Variants in MYBPHL observed in about 807,000 individuals in gnomAD.
MYBPHL encodes myosin-binding protein H-like.
In MYBPHL, 32 loss-of-function variants were observed where a neutral mutation model predicts 39.5. The observed-to-expected ratio is 0.81, with a 90% confidence interval of 0.61 to 1.09. The LOEUF is 1.09. MYBPHL is among the 50% of genes least tolerant of loss of function. The pLI, the probability that MYBPHL is intolerant of heterozygous loss-of-function variation, is 0.00. For missense variants in MYBPHL, 456 were observed against 460.2 expected (o/e 0.99, Z 0.08); for synonymous variants, 196 against 183.7 (o/e 1.07, Z -0.54).
At chr1:109,302,573 G>A (rs1247988977) in intron 1 of MYBPHL, among the ~76,000 whole-genome samples, 4 of 152,122 alleles carry the variant, frequency 2.6e-5, no homozygotes, top group South Asian at 2.1e-4. Flanking sequence ...CTCTCCATGC[G>A]GTATGCCTCT....
At chr1:109,296,728 T>A in intron 5 of MYBPHL, 55 bp downstream of exon 5, 2 of 1,605,042 alleles carry the variant, frequency 1.2e-6, no homozygotes, top group Non-Finnish European at 1.7e-6. Flanking sequence ...CGTGAGCCAC[T>A]GTGCCCGGCC....
At position 109,295,303 on chromosome 1, in the gene MYBPHL, A is replaced by C; in HGVS notation, c.868-6T>G. 2 of 1,613,070 alleles carry C rather than the reference A, an allele frequency of 1.2e-6. No homozygotes were observed. The highest frequency in any genetic ancestry group is 1.7e-6 in the Non-Finnish European group (2 of 1,179,306). Reference sequence around the variant, plus strand: ...TTCAGCCAGATGATCTTGGGCTGGAAGACAAAGATGAGGGAGGCAGCAAGG... The same window carrying C: ...TTCAGCCAGATGATCTTGGGCTGGACGACAAAGATGAGGGAGGCAGCAAGG... On this transcript the variant is annotated splice_region_variant and splice_polypyrimidine_tract_variant and intron_variant, in intron 6 of 8. Transcript: ENST00000357155.
At chr1:109,304,037 G>A (rs1373611890) in intron 1 of MYBPHL, among the ~76,000 whole-genome samples, 1 of 152,144 alleles carries the variant, frequency 6.6e-6, no homozygotes, top group Non-Finnish European at 1.5e-5. Context: ...TATTCCATTT[G>A]AAGCAGGAAG....
At position 109,298,219 on chromosome 1, in the gene MYBPHL, T is replaced by C; in HGVS notation, c.184A>G (p.Thr62Ala). The change falls in exon 2 of 9, where the codon ACC becomes GCC. Residue 62 changes from threonine to alanine, a missense_variant. By Grantham distance (58) the Thr-to-Ala change is moderately conservative. Coordinates refer to ENST00000357155, the MANE Select transcript of MYBPHL (RefSeq NM_001010985.3). Reference protein sequence around the residue: ...KIWLPRALRQTYIRKVGDTVN... With the variant: ...KIWLPRALRQAYIRKVGDTVN... The stretch of plus-strand genomic sequence containing the variant: ...GTGTCCCCAACCTTCCGGATGTAGG[T>C]CTGCCTCAGGGCCCGAGGTAGCCAG... The C allele has an allele frequency of 1.2e-6, 2 of 1,610,302 alleles. No homozygotes were observed. Among genetic ancestry groups the C allele is most frequent in the Non-Finnish European group, 1.7e-6 (2 of 1,178,448 alleles).
intron 3 of MYBPHL, 22 bp from the exon 4 acceptor site, chr1:109,297,211 A>T (rs201270606): frequency 1.0e-4 from 164 of 1,614,030 alleles, no homozygotes; most frequent in Non-Finnish European, 1.2e-4. Flanking sequence ...AAGCCATGGC[A>T]GTGGGCGTGG....
rs113659659 is a variant in MYBPHL, at chr1:109,298,193, T to C, written c.210A>G (p.Thr70=). 298 of 1,610,170 alleles carry C rather than the reference T, an allele frequency of 1.9e-4. No homozygotes were observed. The African/African-American group carries it at 3.1e-3, about 17-fold the overall frequency. ...RQTYIRKVGD[T]VNLLIPFQGK... is the part of the protein sequence containing the mutation. ...CCTGGAATGGGATTAGTAGGTTCAC[T>C]GTGTCCCCAACCTTCCGGATGTAGG... Residue 70 remains threonine (T), a synonymous_variant, in exon 2 of 9, where the codon ACA becomes ACG. Coordinates refer to ENST00000357155, the MANE Select transcript of MYBPHL (RefSeq NM_001010985.3).
In MYBPHL at chr1:109,292,458, G is replaced by A. The variant is rs1657899829; in HGVS notation, c.*164C>T. 6.6e-6 allele frequency: 1 copy of A among 152,246 alleles called. No homozygotes were observed. The highest frequency in any genetic ancestry group is 2.1e-4 in the South Asian group (1 of 4,832). 9.4% of individuals were successfully genotyped at this position (152,246 alleles called of 1,614,324 possible). ...CAGTCTCACCACTGGCGGGCTTCCT[G>A]GAGGCACTGAAAAGAGGGAGCACTT... On this transcript the variant is annotated 3_prime_UTR_variant, in exon 9 of 9. Coordinates refer to ENST00000357155, the MANE Select transcript of MYBPHL (RefSeq NM_001010985.3).
At chr1:109,295,995 G>A (rs544068492) in intron 6 of MYBPHL, among the ~76,000 whole-genome samples, 4 of 152,172 alleles carry the variant, frequency 2.6e-5, no homozygotes, top group African/African-American at 9.7e-5. Context: ...TTGCCAGCAG[G>A]TCAGTAAGCA....
rs1474886849 is a variant in MYBPHL at position 109,298,155 on chromosome 1, G to C, written c.234+14C>G. ...GCCCCAGACATGGACCCAGTATGGG[G>C]CTGGCATGATCACCTGGAATGGGAT... On this transcript the variant is annotated intron_variant, in intron 2 of 8. Coordinates refer to ENST00000357155, the MANE Select transcript of MYBPHL (RefSeq NM_001010985.3). The C allele has an allele frequency of 2.5e-6, 4 of 1,599,194 alleles. No homozygotes were observed. The highest frequency in any genetic ancestry group is 3.4e-6 in the Non-Finnish European group (4 of 1,173,362).
At chr1:109,300,031 A>T (rs1658226834) in intron 1 of MYBPHL, among the ~76,000 whole-genome samples, 1 of 152,194 alleles carries the variant, frequency 6.6e-6, no homozygotes, top group Non-Finnish European at 1.5e-5. Flanking sequence ...TTGGTTCCCC[A>T]CTGTTGGGGG....
intron 8 of MYBPHL, among the ~76,000 whole-genome samples, chr1:109,294,003 G>T (rs1378666760): frequency 1.3e-5 from 2 of 152,112 alleles, no homozygotes; most frequent in African/African-American, 4.8e-5. Context: ...GGCAGAGGTT[G>T]CAGTGAGCCA....
intron 1 of MYBPHL, among the ~76,000 whole-genome samples, chr1:109,302,061 GTA>G (rs1298266729): frequency 2.7e-5 from 4 of 148,888 alleles, no homozygotes; most frequent in Non-Finnish European, 6.1e-5. Context: ...GTGTGTGAGT[GTA>G]TGTGTGTGAA....
At chr1:109,299,567 C>T (rs982022101) in intron 1 of MYBPHL, among the ~76,000 whole-genome samples, 17 of 152,256 alleles carry the variant, frequency 1.1e-4, no homozygotes, top group African/African-American at 3.9e-4. Flanking sequence ...CCATGATAAT[C>T]TCAAGGTCGC....
intron 2 of MYBPHL, 22 bp from the exon 3 acceptor site, chr1:109,297,639 T>C (rs754408118): frequency 4.4e-6 from 7 of 1,604,154 alleles, no homozygotes; most frequent in Non-Finnish European, 6.0e-6. Flanking sequence ...GGGTAATGCT[T>C]TGAGCAGCCC....
intron 6 of MYBPHL, among the ~76,000 whole-genome samples, chr1:109,295,714 C>T (rs962143488): frequency 6.6e-6 from 1 of 152,142 alleles, no homozygotes; most frequent in Non-Finnish European, 1.5e-5. Context: ...TTGATATGCC[C>T]CTTCTGAGAT....
intron 1 of MYBPHL, among the ~76,000 whole-genome samples, chr1:109,302,045 G>A (rs1017352241): frequency 2.0e-5 from 3 of 151,878 alleles, no homozygotes; most frequent in Non-Finnish European, 4.4e-5. Context: ...GAGTGTGTAT[G>A]TATGTGTGTG....
intron 1 of MYBPHL, among the ~76,000 whole-genome samples, chr1:109,302,589 C>T (rs1454296067): frequency 6.6e-6 from 1 of 152,158 alleles, no homozygotes; most frequent in East Asian, 1.9e-4. Flanking sequence ...CCTCTCCAGG[C>T]ATAACTCCTG....
At chr1:109,298,342 C>T in intron 1 of MYBPHL, 85 bp from the exon 2 acceptor site, 1 of 1,222,628 alleles carries the variant, frequency 8.2e-7, no homozygotes, top group Non-Finnish European at 1.2e-6. Flanking sequence ...GGGTGAGTGG[C>T]CCAGGAATCG....
intron 6 of MYBPHL, among the ~76,000 whole-genome samples, chr1:109,295,875 T>C (rs1219289616): frequency 2.0e-5 from 3 of 152,184 alleles, no homozygotes; most frequent in Non-Finnish European, 4.4e-5. Flanking sequence ...GGCTGAACTC[T>C]AGGCAGGTTG....
Sources: allele counts gnomAD v4.1 joint callset (sites outside exome capture counted in the v4.1 genomes callset), GRCh38; gene constraint gnomAD v4.1.1; transcripts MANE v1.5; gene names NCBI Gene and HGNC (gene_info 2026-07-23, HGNC 2026-07-21).